Variants in EPB41 observed in about 807,000 individuals in gnomAD.
EPB41 encodes the protein erythrocyte membrane protein band 4.1.
In EPB41, 65 loss-of-function variants were observed where a neutral mutation model predicts 108.0. That is an observed-to-expected ratio of 0.60 (90% CI 0.49 to 0.74). The LOEUF is 0.74. Among genes scored for constraint, EPB41 ranks in the 30% least tolerant of loss-of-function variants. The pLI is 0.00. For missense variants in EPB41, 875 were observed against 1,037.0 expected, an observed-to-expected ratio of 0.84 and a Z score of 2.15; for synonymous variants, 336 against 358.9, an observed-to-expected ratio of 0.94 and a Z score of 0.72.
chr1:28,892,715 TAAACA>T (rs890531950), intron 1 of EPB41, among the ~76,000 whole-genome samples: 3 of 140,302 alleles, frequency 2.1e-5, no homozygotes, highest in South Asian at 4.7e-4. Flanking sequence ...AACAAACAAA[TAAACA>T]AAACAAAACA....
At chr1:29,014,335 T>TA (rs1236495565) in intron 5 of EPB41, among the ~76,000 whole-genome samples, 1 of 151,928 alleles carries the variant, frequency 6.6e-6, no homozygotes, top group East Asian at 1.9e-4. Flanking sequence ...TAAAATAAAA[T>TA]AAATAAATAA....
intron 1 of EPB41, among the ~76,000 whole-genome samples, chr1:28,955,473 C>T (rs1210999610): frequency 6.6e-6 from 1 of 152,060 alleles, no homozygotes; most frequent in Admixed American, 6.6e-5. Context: ...TCCCGAGTAG[C>T]TGGGACTACA....
intron 4 of EPB41, among the ~76,000 whole-genome samples, chr1:28,998,515 A>G (rs1557969677): frequency 1.3e-5 from 2 of 152,124 alleles, no homozygotes; most frequent in Admixed American, 1.3e-4. Flanking sequence ...ACATCTGCAA[A>G]TTGTAGATTA....
intron 1 of EPB41, among the ~76,000 whole-genome samples, chr1:28,901,352 G>A (rs1289962163): frequency 8.1e-6 from 1 of 123,554 alleles, no homozygotes; most frequent in Non-Finnish European, 1.8e-5. Context: ...AGCCTCCTGA[G>A]TAGCTGGGAC....
chr1:29,112,061 A>C (rs1268530037), intron 18 of EPB41, among the ~76,000 whole-genome samples: 1 of 152,110 alleles, frequency 6.6e-6, no homozygotes, highest in Non-Finnish European at 1.5e-5. Context: ...GGTCTGGTTG[A>C]GATTTTGGAC....
rs905032282 is a variant in EPB41, at chr1:28,914,613, C to G, written c.-163C>G. ...GCGCGCCAGGGTCGCTCGCTCGCTC[C>G]CTCCCTCCGCTGGTGCGTTTAGTCA... On this transcript the variant is annotated 5_prime_UTR_variant, in exon 1 of 21. Transcript: ENST00000343067. 6.5e-4 allele frequency: 99 copies of G among 151,984 alleles called. No individual in the cohort carries two copies. The highest frequency in any genetic ancestry group is 2.3e-3 in the African/African-American group (96 of 41,506). The allele number at this position is 151,984 out of a possible 1,614,324, so 9.4% of individuals were successfully genotyped here.
At chr1:29,094,054 T>C (rs961919704) in intron 16 of EPB41, among the ~76,000 whole-genome samples, 3 of 152,190 alleles carry the variant, frequency 2.0e-5, no homozygotes. Flanking sequence ...AGGGATCCAG[T>C]TTCAATATTG....
At chr1:28,899,932 G>A (rs867887629) in intron 1 of EPB41, among the ~76,000 whole-genome samples, 3 of 152,164 alleles carry the variant, frequency 2.0e-5, no homozygotes, top group African/African-American at 7.2e-5. Flanking sequence ...TTACCTAAGT[G>A]AGCTTCAGTT....
chr1:28,935,133 A>G (rs988841801), intron 1 of EPB41, among the ~76,000 whole-genome samples: 4 of 151,334 alleles, frequency 2.6e-5, no homozygotes, highest in Non-Finnish European at 2.9e-5. Context: ...AAGCATAAAT[A>G]AATAAATCAA....
chr1:28,938,048 G>A (rs766158916), intron 1 of EPB41, among the ~76,000 whole-genome samples: 5 of 152,126 alleles, frequency 3.3e-5, no homozygotes, highest in Non-Finnish European at 5.9e-5. Flanking sequence ...GTTCCATTCC[G>A]TTGATCTACG....
intron 6 of EPB41, among the ~76,000 whole-genome samples, chr1:29,016,293 A>G (rs2096577434): frequency 6.6e-6 from 1 of 151,426 alleles, no homozygotes; most frequent in Non-Finnish European, 1.5e-5. Context: ...CTTTTGCCTC[A>G]GCCTCCCGAG....
intron 1 of EPB41, chr1:28,982,510 G>T (rs2095779593): frequency 4.3e-6 from 4 of 932,614 alleles, no homozygotes; most frequent in Non-Finnish European, 7.1e-6. Flanking sequence ...GGGGCAATCT[G>T]AGGTGCTATC....
intron 6 of EPB41, among the ~76,000 whole-genome samples, chr1:29,017,759 T>C (rs1448855052): frequency 1.3e-5 from 2 of 152,236 alleles, no homozygotes; most frequent in African/African-American, 4.8e-5. Flanking sequence ...CATTACTACC[T>C]GACACCGAGC....
intron 4 of EPB41, among the ~76,000 whole-genome samples, chr1:29,003,327 G>A (rs963158332): frequency 6.6e-6 from 1 of 152,224 alleles, no homozygotes; most frequent in African/African-American, 2.4e-5. Context: ...CTGAAGCACA[G>A]CGTGACAGAG....
At chr1:29,016,377 C>T (rs1251582061) in intron 6 of EPB41, among the ~76,000 whole-genome samples, 1 of 141,134 alleles carries the variant, frequency 7.1e-6, no homozygotes, top group Admixed American at 7.3e-5. Flanking sequence ...TTAGTAGAGG[C>T]GGGTTTTCGC....
intron 8 of EPB41, among the ~76,000 whole-genome samples, chr1:29,031,631 C>G (rs1045010549): frequency 2.0e-5 from 3 of 152,122 alleles, no homozygotes; most frequent in East Asian, 3.9e-4. Flanking sequence ...TTTAAGTTCT[C>G]CAGGTTGTTC....
intron 16 of EPB41, chr1:29,069,237 T>C: frequency 8.1e-7 from 1 of 1,231,680 alleles, no homozygotes; most frequent in Non-Finnish European, 1.0e-6. Flanking sequence ...ACTTCCAAAC[T>C]GATCAGAGAA....
chr1:28,894,536 G>T (rs2090462330), intron 1 of EPB41, among the ~76,000 whole-genome samples: 1 of 152,174 alleles, frequency 6.6e-6, no homozygotes, highest in Non-Finnish European at 1.5e-5. Flanking sequence ...AGCACAGAGA[G>T]GGGCCTGGCA....
chr1:28,910,556 C>T (rs2092186298), upstream of EPB41, among the ~76,000 whole-genome samples: 1 of 152,068 alleles, frequency 6.6e-6, no homozygotes, highest in Admixed American at 6.6e-5. Context: ...TATGGTTTCC[C>T]CGCCCCTCCC....
Sources: allele counts gnomAD v4.1 joint callset (sites outside exome capture counted in the v4.1 genomes callset), GRCh38; gene constraint gnomAD v4.1.1; transcripts MANE v1.5; gene names NCBI Gene and HGNC (gene_info 2026-07-23, HGNC 2026-07-21).